Variants in RPSA2 observed in about 807,000 individuals in gnomAD.
RPSA2 encodes the protein ribosomal protein SA 2, also known as small ribosomal subunit protein uS2B.
At chr19:23,845,513 G>C in the RPSA2 span, among the ~76,000 whole-genome samples, 3 of 151,966 alleles carry the variant, frequency 2.0e-5, no homozygotes, top group East Asian at 3.9e-4. Flanking sequence ...TTCTTTTTGA[G>C]ATGAGTTTTA....
the RPSA2 span, among the ~76,000 whole-genome samples, chr19:23,826,047 T>G: frequency 7.6e-6 from 1 of 131,588 alleles, no homozygotes; most frequent in Non-Finnish European, 1.7e-5. Context: ...AAAACAAAAT[T>G]TACCACAAAA....
chr19:23,845,565 C>T, the RPSA2 span, among the ~76,000 whole-genome samples: 4 of 152,230 alleles, frequency 2.6e-5, no homozygotes, highest in Admixed American at 2.6e-4. Context: ...AATCTTGGCT[C>T]ACTGCAACCT....
At chr19:23,864,436 C>T in the RPSA2 span, among the ~76,000 whole-genome samples, 5 of 152,126 alleles carry the variant, frequency 3.3e-5, no homozygotes, top group African/African-American at 1.2e-4. Context: ...GTAACACATA[C>T]CCATACCCCA....
chr19:23,869,780 C>T, the RPSA2 span, among the ~76,000 whole-genome samples: 9 of 152,208 alleles, frequency 5.9e-5, no homozygotes, highest in Non-Finnish European at 1.0e-4. Context: ...CTGCTGTTCA[C>T]AAACGGTAGT....
chr19:23,867,840 A>C, the RPSA2 span, among the ~76,000 whole-genome samples: 8 of 152,094 alleles, frequency 5.3e-5, no homozygotes, highest in Non-Finnish European at 8.8e-5. Flanking sequence ...AAAAAAAAAA[A>C]AAAAAAAAGG....
At chr19:23,837,303 G>A in the RPSA2 span, among the ~76,000 whole-genome samples, 1 of 151,892 alleles carries the variant, frequency 6.6e-6, no homozygotes, top group African/African-American at 2.4e-5. Context: ...TAAGTATTTG[G>A]GTTTATTTCT....
At chr19:23,833,090 C>G in the RPSA2 span, 1 of 1,279,556 alleles carries the variant, frequency 7.8e-7, no homozygotes, top group East Asian at 4.3e-5. Context: ...TTTAACCTGT[C>G]TTCAAGCTTT....
At chr19:23,786,821 A>T in the RPSA2 span, among the ~76,000 whole-genome samples, 1 of 152,002 alleles carries the variant, frequency 6.6e-6, no homozygotes, top group African/African-American at 2.4e-5. Context: ...TCAACACCTA[A>T]GGGATGAGAG....
chr19:23,783,413 A>G, the RPSA2 span, among the ~76,000 whole-genome samples: 4 of 151,904 alleles, frequency 2.6e-5, no homozygotes, highest in African/African-American at 7.3e-5. Flanking sequence ...TTATTTCAAC[A>G]TATCTCTGGG....
At chr19:23,797,297 A>T in the RPSA2 span, among the ~76,000 whole-genome samples, 1 of 152,014 alleles carries the variant, frequency 6.6e-6, no homozygotes, top group Non-Finnish European at 1.5e-5. Flanking sequence ...TTTAGTAGAG[A>T]TGGGGTTTCA....
At chr19:23,778,506 GC>G in the RPSA2 span, among the ~76,000 whole-genome samples, 1 of 152,154 alleles carries the variant, frequency 6.6e-6, no homozygotes, top group Admixed American at 6.5e-5. Context: ...GAGCCACTGT[GC>G]CTGGTGACTC....
chr19:23,791,735 CTTT>C, the RPSA2 span, among the ~76,000 whole-genome samples: 2 of 146,416 alleles, frequency 1.4e-5, no homozygotes, highest in African/African-American at 5.0e-5. Context: ...TTAATCTTTT[CTTT>C]TTTTTTTTTC....
chr19:23,833,758 T>G, the RPSA2 span, among the ~76,000 whole-genome samples: 9 of 152,000 alleles, frequency 5.9e-5, no homozygotes, highest in Admixed American at 2.6e-4. Context: ...TATTAGAAAA[T>G]ATGTCTTTAA....
At chr19:23,862,935 T>G in the RPSA2 span, among the ~76,000 whole-genome samples, 2 of 151,566 alleles carry the variant, frequency 1.3e-5, no homozygotes, top group Non-Finnish European at 2.9e-5. Flanking sequence ...GATGGAGTTT[T>G]GCTCTGTTGT....
At chr19:23,865,297 C>T in the RPSA2 span, among the ~76,000 whole-genome samples, 1 of 152,174 alleles carries the variant, frequency 6.6e-6, no homozygotes, top group Non-Finnish European at 1.5e-5. Flanking sequence ...TTGAAACAGT[C>T]TGGATCTCAA....
At chr19:23,810,572 A>C in the RPSA2 span, among the ~76,000 whole-genome samples, 17 of 152,254 alleles carry the variant, frequency 1.1e-4, no homozygotes, top group Middle Eastern at 3.4e-3. Flanking sequence ...GGATGTGATG[A>C]GAGTGGCTTT....
the RPSA2 span, among the ~76,000 whole-genome samples, chr19:23,862,335 T>C: frequency 6.6e-6 from 1 of 151,524 alleles, no homozygotes; most frequent in Non-Finnish European, 1.5e-5. Context: ...AGGGACAATT[T>C]GACTTCCTCT....
chr19:23,761,809 G>A, the RPSA2 span, among the ~76,000 whole-genome samples: 6 of 151,886 alleles, frequency 4.0e-5, no homozygotes, highest in African/African-American at 1.5e-4. Flanking sequence ...AAACTGAAAT[G>A]CAGCGTAGTC....
chr19:23,759,476 C>T, the RPSA2 span, among the ~76,000 whole-genome samples: 2 of 151,328 alleles, frequency 1.3e-5, no homozygotes, highest in Non-Finnish European at 2.9e-5. Flanking sequence ...CAGCCCTAGA[C>T]ACTGAGCCTC....
Sources: gnomAD v4.1 joint callset for allele counts (sites outside exome capture counted in the v4.1 genomes callset) on GRCh38, gnomAD v4.1.1 for gene constraint, MANE v1.5 for transcripts, NCBI Gene and HGNC (gene_info 2026-07-23, HGNC 2026-07-21) for gene names.